The following MVB12B variants were observed in gnomAD, a reference collection of about 807,000 sequenced individuals.
MVB12B encodes ESCRT-I complex subunit MVB12B.
Under a neutral mutation model 41.6 loss-of-function variants are expected in MVB12B, and 16 were observed. The observed-to-expected ratio is 0.38, with a 90% confidence interval of 0.26 to 0.58. The LOEUF (loss-of-function observed/expected upper bound fraction) is 0.58, where lower values mean the gene tolerates loss of function less well. Ranked by LOEUF, MVB12B falls within the 20% of genes least tolerant of loss-of-function variation. The pLI is 0.62. For missense variants in MVB12B, 274 were observed against 380.2 expected (o/e 0.72, Z 2.32); for synonymous variants, 133 against 139.7 (o/e 0.95, Z 0.34).
chr9:126,369,162 T>C (rs992829209), intron 2 of MVB12B, among the ~76,000 whole-genome samples: 3 of 152,226 alleles, frequency 2.0e-5, no homozygotes, highest in Non-Finnish European at 2.9e-5. Context: ...AGGATGAACA[T>C]TTTGAAAAAA....
At position 126,421,846 on chromosome 9, in the gene MVB12B, T is replaced by G. The variant is rs780665783; in HGVS notation, c.663-8T>G. 51 of 1,610,094 alleles carry G rather than the reference T, an allele frequency of 3.2e-5. No individual in the cohort carries two copies. The South Asian group carries it at 5.3e-4, about 17-fold the overall frequency. On this transcript the variant is annotated splice_region_variant and splice_polypyrimidine_tract_variant and intron_variant, in intron 6 of 9. Transcript: ENST00000361171. ...TAATCTCCTTTCTCTCGTCCTTCTC[T>G]TCCTCAGGCACATCTCCCTAACACT...
chr9:126,364,152 G>A lies in MVB12B; in HGVS notation c.205-16912G>A, dbSNP rs574970670. ...GGATGCCAACATCCAGCTAAGTTAT[G>A]TTTGTGTTAAACATGAATTGAAATG... On this transcript the variant is annotated intron_variant, in intron 2 of 9. Coordinates refer to ENST00000361171, the MANE Select transcript of MVB12B (RefSeq NM_033446.3). Among the ~76,000 whole-genome samples the A allele has an allele frequency of 3.3e-5, 5 of 152,258 alleles. No homozygotes were observed. In the East Asian group the frequency reaches 9.7e-4, roughly 29 times the overall value.
intron 7 of MVB12B, among the ~76,000 whole-genome samples, chr9:126,451,427 G>A (rs1196412410): frequency 1.3e-5 from 2 of 152,230 alleles, no homozygotes; most frequent in East Asian, 3.9e-4. Context: ...ACAGGTCAGG[G>A]GTACTTAGTA....
At chr9:126,450,471 C>T (rs947885652) in intron 7 of MVB12B, among the ~76,000 whole-genome samples, 3 of 152,198 alleles carry the variant, frequency 2.0e-5, no homozygotes, top group African/African-American at 7.2e-5. Context: ...TCACAGCAGC[C>T]TTGTGGACCA....
At chr9:126,443,799 A>G (rs1014779391) in intron 7 of MVB12B, among the ~76,000 whole-genome samples, 1 of 152,246 alleles carries the variant, frequency 6.6e-6, no homozygotes, top group Non-Finnish European at 1.5e-5. Context: ...GTCAAACTAC[A>G]GGATAGCCGC....
Position 126,391,845 on chromosome 9 carries a change from C to T in MVB12B, c.410-221C>T, listed in dbSNP as rs529132733. On this transcript the variant is annotated intron_variant, in intron 4 of 9. Coordinates refer to ENST00000361171, the MANE Select transcript of MVB12B (RefSeq NM_033446.3). The surrounding 1 kb of genome is among the most constrained non-coding windows in gnomAD (Gnocchi z 4.4). ...AGATTTACTGCAGGGTGTGTGGTCC[C>T]CTTCTCAGCAGGGGGTGTCTGGGTT... 7.2e-5 allele frequency among the ~76,000 whole-genome samples: 11 copies of T among 152,266 alleles called. No individual in the cohort carries two copies. The highest frequency in any genetic ancestry group is 6.8e-3 in the Middle Eastern group (2 of 294).
chr9:126,373,265 T>C (rs1830391108), intron 2 of MVB12B, among the ~76,000 whole-genome samples: 1 of 152,210 alleles, frequency 6.6e-6, no homozygotes. Flanking sequence ...CACTTTATAT[T>C]TGTAGAAAGC....
chr9:126,399,191 T>A (rs1831200008), intron 6 of MVB12B, among the ~76,000 whole-genome samples: 1 of 152,182 alleles, frequency 6.6e-6, no homozygotes, highest in South Asian at 2.1e-4. Context: ...TTGGCAGAGC[T>A]CCTCTCCCTC....
intron 9 of MVB12B, among the ~76,000 whole-genome samples, chr9:126,497,328 G>A (rs971567239): frequency 6.6e-6 from 1 of 152,148 alleles, no homozygotes; most frequent in African/African-American, 2.4e-5. Context: ...CCATCTGGGC[G>A]GGCTGTTAGG....
At chr9:126,457,337 TG>T (rs1395011512) in intron 7 of MVB12B, among the ~76,000 whole-genome samples, 2 of 152,020 alleles carry the variant, frequency 1.3e-5, no homozygotes, top group East Asian at 3.9e-4. Context: ...AGGAGAAAAG[TG>T]GGGCGCCTCT....
chr9:126,449,942 T>C (rs1037471135), intron 7 of MVB12B, among the ~76,000 whole-genome samples: 1 of 152,240 alleles, frequency 6.6e-6, no homozygotes, highest in Non-Finnish European at 1.5e-5. Context: ...CAGTGGCCCA[T>C]GGGTGCCTTC....
At chr9:126,489,422 A>G (rs1387004324) in intron 9 of MVB12B, among the ~76,000 whole-genome samples, 1 of 152,236 alleles carries the variant, frequency 6.6e-6, no homozygotes. Flanking sequence ...GCTCTTCACC[A>G]GGGTCTCCCC....
At chr9:126,377,961 C>T (rs532184796) in intron 2 of MVB12B, among the ~76,000 whole-genome samples, 1 of 152,238 alleles carries the variant, frequency 6.6e-6, no homozygotes, top group Non-Finnish European at 1.5e-5. Flanking sequence ...TTTGCATGTT[C>T]GTGGGCTCCT....
At chr9:126,499,201 G>A (rs1041561758) in intron 9 of MVB12B, among the ~76,000 whole-genome samples, 3 of 152,100 alleles carry the variant, frequency 2.0e-5, no homozygotes, top group Admixed American at 1.3e-4. Context: ...TGAGACTCTC[G>A]CACCGTGGCC....
Position 126,468,005 on chromosome 9 carries a change from TACAC to T in MVB12B, c.758-13356_758-13353del, listed in dbSNP as rs1011136827. ...ATATGTACACATATACATATAAGTG[TACAC>T]ACACACAGATGTGCGCTTATGTATC... On this transcript the variant is annotated intron_variant, in intron 7 of 9. Transcript: ENST00000361171. The surrounding 1 kb of genome is among the most constrained non-coding windows in gnomAD (Gnocchi z 4.3). Among the ~76,000 whole-genome samples the T allele has an allele frequency of 3.9e-5, 6 of 152,172 alleles. No individual in the cohort carries two copies. Among genetic ancestry groups the T allele is most frequent in the Admixed American group, 6.5e-5 (1 of 15,284 alleles).
In MVB12B at chr9:126,392,258, G is replaced by A; in HGVS notation, c.539+63G>A. On this transcript the variant is annotated intron_variant, in intron 5 of 9. Coordinates refer to ENST00000361171, the MANE Select transcript of MVB12B (RefSeq NM_033446.3). The surrounding 1 kb of genome is among the most constrained non-coding windows in gnomAD (Gnocchi z 4.8). ...CCCTGAGAGCACTCAGGCCACTCCA[G>A]GCAATGAGGTCCAAGAGATTTCCAT... 2.5e-6 allele frequency: 4 copies of A among 1,590,440 alleles called. No homozygotes were observed. The highest frequency in any genetic ancestry group is 4.5e-5 in the East Asian group (2 of 44,618).
chr9:126,435,052 A>G (rs767682400), intron 7 of MVB12B, among the ~76,000 whole-genome samples: 2 of 151,232 alleles, frequency 1.3e-5, no homozygotes, highest in Non-Finnish European at 2.9e-5. Flanking sequence ...ATTACTTTAG[A>G]CAGTTTATAT....
intron 9 of MVB12B, among the ~76,000 whole-genome samples, chr9:126,490,435 G>T (rs774322091): frequency 6.6e-5 from 10 of 152,232 alleles, no homozygotes; most frequent in African/African-American, 1.4e-4. Flanking sequence ...GCACCGGGCA[G>T]TGGAGAAGTC....
At chr9:126,331,540 C>A (rs937507753) in intron 1 of MVB12B, among the ~76,000 whole-genome samples, 8 of 152,170 alleles carry the variant, frequency 5.3e-5, no homozygotes. Context: ...ACATGATTTG[C>A]AAATATTTCC....
Sources: allele counts gnomAD v4.1 joint callset (sites outside exome capture counted in the v4.1 genomes callset), GRCh38; gene constraint gnomAD v4.1.1; non-coding constraint Gnocchi (gnomAD v3.1); transcripts MANE v1.5; gene names NCBI Gene and HGNC (gene_info 2026-07-23, HGNC 2026-07-21).